The following AP2B1 variants were observed in gnomAD, a reference collection of about 807,000 sequenced individuals.
AP2B1 encodes the protein AP-2 complex subunit beta.
In AP2B1, 23 loss-of-function variants were observed where a neutral mutation model predicts 102.0. The observed-to-expected ratio is 0.23, with a 90% CI of 0.16 to 0.32. The LOEUF is 0.32. AP2B1 is among the 10% of genes least tolerant of loss of function. AP2B1 has a pLI of 1.00. For missense variants in AP2B1, 541 were observed against 1,157.4 expected, an observed-to-expected ratio of 0.47 and a Z score of 7.73; for synonymous variants, 381 against 421.2, an observed-to-expected ratio of 0.90 and a Z score of 1.17.
rs145323065 is a variant in AP2B1 at position 35,629,333 on chromosome 17, T to A, written c.1155+1607T>A. Among the ~76,000 whole-genome samples the A allele has an allele frequency of 1.4e-4, 22 of 152,302 alleles. No individual in the cohort carries two copies. In the East Asian group the frequency reaches 4.0e-3, roughly 28 times the overall value. On this transcript the variant is annotated intron_variant, in intron 9 of 21. Transcript: ENST00000610402. ...TTATTCCTGTTCCTTAAGCATAATA[T>A]CAAATCTGTAAACTTTCTTTTGTCT...
intron 13 of AP2B1, 61 bp from the exon 14 acceptor site, chr17:35,657,538 G>A (rs2075260684): frequency 7.0e-7 from 1 of 1,419,032 alleles, no homozygotes; most frequent in African/African-American, 1.4e-5. Flanking sequence ...TTGTTGCGAT[G>A]TTATGTCCTA....
At chr17:35,595,782 A>AT (rs1159470655) in intron 2 of AP2B1, among the ~76,000 whole-genome samples, 1 of 152,170 alleles carries the variant, frequency 6.6e-6, no homozygotes, top group Non-Finnish European at 1.5e-5. Flanking sequence ...CACAAAAGCC[A>AT]TTAGCCACTT....
At chr17:35,671,097 C>A (rs1273201920) in intron 15 of AP2B1, among the ~76,000 whole-genome samples, 199 bp downstream of exon 15, 1 of 152,124 alleles carries the variant, frequency 6.6e-6, no homozygotes, top group African/African-American at 2.4e-5. Context: ...GTAGAGACAT[C>A]TTTAAGGTTT....
intron 16 of AP2B1, 71 bp from the exon 17 acceptor site, chr17:35,674,105 T>A (rs147411168): frequency 2.0e-5 from 29 of 1,465,224 alleles, no homozygotes; most frequent in Non-Finnish European, 2.4e-5. Flanking sequence ...ATTTGTTTTT[T>A]ATTTGTTAAA....
At chr17:35,706,454 A>C (rs1040233233) in intron 18 of AP2B1, among the ~76,000 whole-genome samples, 1 of 152,182 alleles carries the variant, frequency 6.6e-6, no homozygotes, top group Admixed American at 6.5e-5. Context: ...TAATTATTTC[A>C]TGTAGGGTAG....
intron 21 of AP2B1, among the ~76,000 whole-genome samples, chr17:35,720,466 T>TA (rs1422220508): frequency 1.4e-5 from 2 of 142,226 alleles, no homozygotes; most frequent in Non-Finnish European, 3.0e-5. Flanking sequence ...TAAATGCAAA[T>TA]AAAAGTTAAA....
At chr17:35,657,527 G>C in intron 13 of AP2B1, 72 bp from the exon 14 acceptor site, 1 of 1,271,114 alleles carries the variant, frequency 7.9e-7, no homozygotes, top group Non-Finnish European at 1.1e-6. Flanking sequence ...ATGTTTCACT[G>C]TTGTTGCGAT....
intron 12 of AP2B1, among the ~76,000 whole-genome samples, chr17:35,647,107 T>C (rs1326087257): frequency 6.6e-6 from 1 of 152,182 alleles, no homozygotes; most frequent in Non-Finnish European, 1.5e-5. Context: ...AGTGTTTAAT[T>C]ATGTAATAAA....
chr17:35,694,313 A>G (rs2076097096), intron 18 of AP2B1, among the ~76,000 whole-genome samples: 1 of 151,622 alleles, frequency 6.6e-6, no homozygotes, highest in African/African-American at 2.4e-5. Flanking sequence ...GCACAAACAT[A>G]GCTCACTGCA....
Position 35,723,915 on chromosome 17 carries a change from C to T in AP2B1, c.*216C>T, listed in dbSNP as rs9649. ...AACCACTGCTTCAGTCACCTCCCACCTCTTGCCACCTGCTGCTGCTATCTG... is the reference window on the plus strand; with the variant it reads ...AACCACTGCTTCAGTCACCTCCCACTTCTTGCCACCTGCTGCTGCTATCTG... On this transcript the variant is annotated 3_prime_UTR_variant, in exon 22 of 22. Transcript: ENST00000610402. 69,892 of 461,976 alleles carry T rather than the reference C, an allele frequency of 0.15. 6,254 individuals are homozygous for T. The highest frequency in any genetic ancestry group is 0.24 in the South Asian group (4,889 of 20,472). The allele number at this position is 461,976 out of a possible 1,614,324, so 28.6% of individuals were successfully genotyped here.
chr17:35,623,876 T>A (rs962258906), intron 5 of AP2B1, among the ~76,000 whole-genome samples: 2 of 152,206 alleles, frequency 1.3e-5, no homozygotes, highest in Non-Finnish European at 2.9e-5. Context: ...TCACAGAGAT[T>A]ACATATTCTC....
At chr17:35,627,563 A>G in intron 8 of AP2B1, 58 bp downstream of exon 8, 2 of 1,613,196 alleles carry the variant, frequency 1.2e-6, no homozygotes, top group Non-Finnish European at 1.7e-6. Flanking sequence ...TCTGGCCTTT[A>G]AAGAAGCTAG....
rs151159427 is a variant in AP2B1 at position 35,641,095 on chromosome 17, C to T, written c.1438-782C>T. On this transcript the variant is annotated intron_variant, in intron 11 of 21. Coordinates refer to ENST00000610402, the MANE Select transcript of AP2B1 (RefSeq NM_001030006.2). Reference sequence around the variant, plus strand: ...TCAAGGAGTATGTACAAGTCAATAGCTTTGTGGTTTAGCAGCCAACTCCTA... The same window carrying T: ...TCAAGGAGTATGTACAAGTCAATAGTTTTGTGGTTTAGCAGCCAACTCCTA... Among the ~76,000 whole-genome samples, 512 of 152,290 alleles carry T rather than the reference C, an allele frequency of 3.4e-3. 7 individuals carry two copies. The highest frequency in any genetic ancestry group is 0.031 in the Admixed American group (476 of 15,292).
At position 35,641,770 on chromosome 17, in the gene AP2B1, A is replaced by G. The variant is rs2074788556; in HGVS notation, c.1438-107A>G. On this transcript the variant is annotated intron_variant, in intron 11 of 21. Coordinates refer to ENST00000610402, the MANE Select transcript of AP2B1 (RefSeq NM_001030006.2). ...CCTTTTGTCTCTTAACCAAAATCAG[A>G]AAGGCTCCATAGTAATTCATAGTTG... The G allele has an allele frequency of 1.8e-5, 13 of 704,156 alleles. No individual in the cohort carries two copies. The East Asian group carries it at 2.4e-4, about 13-fold the overall frequency. 43.6% of individuals were successfully genotyped at this position (704,156 alleles called of 1,614,324 possible).
chr17:35,592,381 A>G (rs1194329365), intron 1 of AP2B1, among the ~76,000 whole-genome samples: 1 of 152,016 alleles, frequency 6.6e-6, no homozygotes, highest in Non-Finnish European at 1.5e-5. Context: ...CCTTGAGACA[A>G]GGTCTCTGTC....
At chr17:35,638,212 G>A (rs917534655) in intron 10 of AP2B1, among the ~76,000 whole-genome samples, 4 of 152,098 alleles carry the variant, frequency 2.6e-5, no homozygotes, top group African/African-American at 7.2e-5. Flanking sequence ...TCTGGTTTAT[G>A]GTTAATAAAG....
In AP2B1 at chr17:35,599,441, C is replaced by T. The variant is rs924725656; in HGVS notation, c.143+1106C>T. Among the ~76,000 whole-genome samples the T allele has an allele frequency of 3.9e-5, 6 of 152,242 alleles. No homozygotes were observed. The South Asian group carries it at 6.2e-4, about 16-fold the overall frequency. The stretch of plus-strand genomic sequence containing the variant: ...CTCCCATCATAAGCTTGACAGCTTC[C>T]TAATGCTTAAAGACTTTTCTGAGGA... On this transcript the variant is annotated intron_variant, in intron 3 of 21. Transcript: ENST00000610402.
rs2076566727 is a variant in AP2B1 at position 35,717,200 on chromosome 17, G to A, written c.2632G>A (p.Val878Ile). 6.2e-7 allele frequency: 1 copy of A among 1,613,766 alleles called. No homozygotes were observed. The highest frequency in any genetic ancestry group is 8.5e-7 in the Non-Finnish European group (1 of 1,179,804). ...TTTTGAATCTGTATTTCTAGACACTGTTTCCAGCAAGTTGCAAAACAACAA... is the reference window on the plus strand; with the variant it reads ...TTTTGAATCTGTATTTCTAGACACTATTTCCAGCAAGTTGCAAAACAACAA... ...IKECHLNADT[V>I]SSKLQNNNVY... Residue 878 changes from valine (V) to isoleucine (I), a missense_variant, in exon 21 of 22, where the codon GTT becomes ATT. By Grantham distance (29) the Val-to-Ile change is conservative. This residue lies in a region of AP2B1 where 117 missense variants were observed against 206.7 expected (regional missense o/e 0.57). Coordinates refer to ENST00000610402, the MANE Select transcript of AP2B1 (RefSeq NM_001030006.2).
intron 18 of AP2B1, among the ~76,000 whole-genome samples, chr17:35,694,427 A>ATTT (rs1555581002): frequency 0.24 from 27,119 of 114,374 alleles, 6,000 homozygotes; most frequent in African/African-American, 0.55. Context: ...TTTTTTTTTA[A>ATTT]TTTTTTAATT....
Sources: gnomAD v4.1 joint callset for allele counts (sites outside exome capture counted in the v4.1 genomes callset) on GRCh38, gnomAD v4.1.1 for gene constraint, gnomAD v4.1.1 regional missense constraint, MANE v1.5 for transcripts, NCBI Gene and HGNC (gene_info 2026-07-23, HGNC 2026-07-21) for gene names.